HPSE2: variants seen among roughly 807,000 people sequenced by gnomAD.
The protein encoded by HPSE2 is heparanase 2 (inactive), also known as inactive heparanase-2.
Under a neutral mutation model 60.5 loss-of-function variants are expected in HPSE2, and 38 were observed. That is an observed-to-expected ratio of 0.63 (90% CI 0.48 to 0.82). The LOEUF (loss-of-function observed/expected upper bound fraction) is 0.82. Ranked by LOEUF, HPSE2 falls within the 40% of genes least tolerant of loss-of-function variation. The pLI is 0.00. For missense variants in HPSE2, 713 were observed against 740.4 expected, an observed-to-expected ratio of 0.96 and a Z score of 0.43; for synonymous variants, 295 against 293.2, an observed-to-expected ratio of 1.01 and a Z score of -0.06.
At chr10:98,548,395 T>C (rs1476050635) in intron 9 of HPSE2, among the ~76,000 whole-genome samples, 1 of 152,152 alleles carries the variant, frequency 6.6e-6, no homozygotes, top group African/African-American at 2.4e-5. Flanking sequence ...GTTGGGCATA[T>C]GGCTTGAGGT....
At chr10:99,054,124 T>C (rs1184213221) in intron 3 of HPSE2, among the ~76,000 whole-genome samples, 1 of 152,070 alleles carries the variant, frequency 6.6e-6, no homozygotes, top group African/African-American at 2.4e-5. Context: ...CACTGTAATC[T>C]ACGAGACAAG....
the HPSE2 span, among the ~76,000 whole-genome samples, chr10:99,313,440 T>C: frequency 3.9e-5 from 6 of 152,142 alleles, no homozygotes; most frequent in African/African-American, 1.4e-4. Flanking sequence ...AAAGAGTTGC[T>C]TCTAATGGAT....
intron 3 of HPSE2, among the ~76,000 whole-genome samples, chr10:99,095,592 C>G (rs1843692736): frequency 6.6e-6 from 1 of 152,194 alleles, no homozygotes; most frequent in Admixed American, 6.5e-5. Context: ...TACTAACCTA[C>G]TTTCTGTCTC....
chr10:98,835,522 A>T (rs1252497524), intron 3 of HPSE2, among the ~76,000 whole-genome samples: 3 of 152,146 alleles, frequency 2.0e-5, no homozygotes, highest in African/African-American at 7.2e-5. Flanking sequence ...AGGGGACTCA[A>T]GGTGATTTAA....
At chr10:98,610,731 A>G (rs1313501183) in intron 9 of HPSE2, among the ~76,000 whole-genome samples, 2 of 152,222 alleles carry the variant, frequency 1.3e-5, no homozygotes, top group Non-Finnish European at 2.9e-5. Context: ...TCAGATTATT[A>G]GTTCCATAGA....
At chr10:98,500,572 C>T (rs1201468245) in intron 9 of HPSE2, among the ~76,000 whole-genome samples, 2 of 152,050 alleles carry the variant, frequency 1.3e-5, no homozygotes, top group African/African-American at 2.4e-5. Context: ...ATTGAAAAGA[C>T]TGAAAGAGCA....
At chr10:99,123,530 G>A (rs1405231090) in intron 3 of HPSE2, among the ~76,000 whole-genome samples, 2 of 152,266 alleles carry the variant, frequency 1.3e-5, no homozygotes, top group African/African-American at 2.4e-5. Flanking sequence ...TCTCCTTCTT[G>A]TTGCCCACAA....
At chr10:99,079,893 C>T (rs914997872) in intron 3 of HPSE2, among the ~76,000 whole-genome samples, 1 of 152,024 alleles carries the variant, frequency 6.6e-6, no homozygotes, top group East Asian at 1.9e-4. Flanking sequence ...CTCAGAAGTC[C>T]CCAAAAAAGT....
intron 3 of HPSE2, among the ~76,000 whole-genome samples, chr10:98,800,308 G>A (rs1950875641): frequency 6.6e-6 from 1 of 151,626 alleles, no homozygotes; most frequent in Non-Finnish European, 1.5e-5. Context: ...GGTCAAGGCT[G>A]CAGTGAGCTC....
chr10:98,807,558 G>T (rs2134555183), intron 3 of HPSE2, among the ~76,000 whole-genome samples: 1 of 152,282 alleles, frequency 6.6e-6, no homozygotes, highest in Non-Finnish European at 1.5e-5. Flanking sequence ...TAGCTCACTT[G>T]CTCCCACCAT....
At chr10:99,173,403 G>GA (rs1328111216) in intron 2 of HPSE2, among the ~76,000 whole-genome samples, 6 of 152,098 alleles carry the variant, frequency 3.9e-5, no homozygotes, top group Non-Finnish European at 7.4e-5. Context: ...TTAGACCCAG[G>GA]AAAGAGTCAA....
At chr10:98,937,202 T>C (rs1044605891) in intron 3 of HPSE2, among the ~76,000 whole-genome samples, 2 of 143,416 alleles carry the variant, frequency 1.4e-5, no homozygotes, top group African/African-American at 2.8e-5. Flanking sequence ...AGGTACCAGG[T>C]TCATCTCACT....
the HPSE2 span, among the ~76,000 whole-genome samples, chr10:99,255,214 G>T: frequency 6.6e-5 from 10 of 152,200 alleles, no homozygotes; most frequent in African/African-American, 2.2e-4. Context: ...CACTAAAAGG[G>T]TTTAATGTGT....
rs34043787 is a variant in HPSE2 at position 98,819,421 on chromosome 10, C to CTTTTT, written c.611-75370_611-75366dup. 1.3e-4 allele frequency among the ~76,000 whole-genome samples: 18 copies of CTTTTT among 136,340 alleles called. 3 individuals carry two copies. The highest frequency in any genetic ancestry group is 4.2e-4 in the East Asian group (2 of 4,758). 89.4% of individuals were successfully genotyped at this position (136,340 alleles called of 152,430 possible). On this transcript the variant is annotated intron_variant, in intron 3 of 11. Transcript: ENST00000370552. Reference sequence around the variant, plus strand: ...TTTTCAATTAGGTTCTACAATCATTCTTTTTTTTTTTTTTTTTAACCAGTT... The same window carrying CTTTTT: ...TTTTCAATTAGGTTCTACAATCATTCTTTTTTTTTTTTTTTTTTTTTTAACCAGTT...
At chr10:98,905,249 T>C (rs1036380938) in intron 3 of HPSE2, among the ~76,000 whole-genome samples, 2 of 151,918 alleles carry the variant, frequency 1.3e-5, no homozygotes, top group Admixed American at 1.3e-4. Flanking sequence ...CATGCTGGTG[T>C]GCTGCACCCC....
intron 9 of HPSE2, among the ~76,000 whole-genome samples, chr10:98,586,158 A>G (rs1384063226): frequency 6.6e-6 from 1 of 152,202 alleles, no homozygotes; most frequent in African/African-American, 2.4e-5. Context: ...AAAGTAAAGG[A>G]TTCATATACA....
At chr10:99,172,040 C>T (rs767744815) in intron 2 of HPSE2, among the ~76,000 whole-genome samples, 14 of 152,056 alleles carry the variant, frequency 9.2e-5, no homozygotes, top group Non-Finnish European at 1.9e-4. Context: ...ATAATTTCAA[C>T]TTTTATTTTA....
At chr10:99,235,432 C>T in intron 1 of HPSE2, 81 bp downstream of exon 1, 1 of 1,284,282 alleles carries the variant, frequency 7.8e-7, no homozygotes, top group Middle Eastern at 1.8e-4. Flanking sequence ...TTCTTCTTTC[C>T]CCTTTGGAAT....
intron 9 of HPSE2, among the ~76,000 whole-genome samples, chr10:98,574,777 G>A (rs913610199): frequency 6.6e-6 from 1 of 152,122 alleles, no homozygotes; most frequent in South Asian, 2.1e-4. Context: ...GGAAGACTGA[G>A]GACTCTGAAC....
Sources: allele counts gnomAD v4.1 joint callset (sites outside exome capture counted in the v4.1 genomes callset), GRCh38; gene constraint gnomAD v4.1.1; transcripts MANE v1.5; gene names NCBI Gene and HGNC (gene_info 2026-07-23, HGNC 2026-07-21).